RFX7: variants seen among roughly 807,000 people sequenced by gnomAD.
RFX7 encodes DNA-binding protein RFX7.
In RFX7, 26 loss-of-function variants were observed where a neutral mutation model predicts 111.8. The ratio of observed to expected loss-of-function variants is 0.23; its 90% CI spans 0.17 to 0.32. RFX7 has a LOEUF of 0.32. RFX7 is among the 10% of genes least tolerant of loss of function. The probability of loss-of-function intolerance (pLI) is 1.00; values close to 1 mark genes in which losing one functional copy is unlikely to be tolerated. For synonymous variants in RFX7, 624 were observed against 624.4 expected (o/e 1.00, Z 0.01); for missense variants, 1,573 against 1,772.9 (o/e 0.89, Z 2.02).
intron 2 of RFX7, among the ~76,000 whole-genome samples, chr15:56,191,238 A>G (rs2043098027): frequency 1.3e-5 from 2 of 152,204 alleles, no homozygotes; most frequent in African/African-American, 4.8e-5. Flanking sequence ...TTTTGAGTCA[A>G]TAAATTATAA....
At chr15:56,114,575 G>C (rs148471457) in intron 5 of RFX7, among the ~76,000 whole-genome samples, 7 of 151,972 alleles carry the variant, frequency 4.6e-5, no homozygotes, top group Non-Finnish European at 1.0e-4. Flanking sequence ...TCTTAGACTA[G>C]GATCATACTA....
intron 2 of RFX7, among the ~76,000 whole-genome samples, chr15:56,217,025 A>T (rs1274146264): frequency 1.3e-5 from 2 of 152,186 alleles, no homozygotes; most frequent in Non-Finnish European, 2.9e-5. Flanking sequence ...ATTTATTAAC[A>T]TAAAAATGGT....
Position 56,169,047 on chromosome 15 carries a change from C to G in RFX7, c.195+10223G>C, listed in dbSNP as rs150074060. Among the ~76,000 whole-genome samples the G allele has an allele frequency of 1.6e-3, 249 of 152,274 alleles. 2 individuals carry two copies. Among genetic ancestry groups the G allele is most frequent in the African/African-American group, 5.6e-3 (234 of 41,544 alleles). Reference sequence around the variant, plus strand: ...ATTTTCTATTATCTGCAGATAAATGCATAGTCCTAGTAGATAAAGATTTCC... The same window carrying G: ...ATTTTCTATTATCTGCAGATAAATGGATAGTCCTAGTAGATAAAGATTTCC... On this transcript the variant is annotated intron_variant, in intron 3 of 9. Transcript: ENST00000559447.
In RFX7 at chr15:56,096,275, T is replaced by C; in HGVS notation, c.1453A>G (p.Ser485Gly). The C allele has an allele frequency of 6.2e-7, 1 of 1,613,978 alleles. No individual in the cohort carries two copies. The highest frequency in any genetic ancestry group is 8.5e-7 in the Non-Finnish European group (1 of 1,179,874). Residue 485 changes from serine to glycine, a missense_variant, in exon 10 of 10, where the codon AGT (serine) becomes GGT (glycine). This residue lies in a region of RFX7 where 625 missense variants were observed against 632.2 expected (regional missense o/e 0.99). Coordinates refer to ENST00000559447, the MANE Select transcript of RFX7 (RefSeq NM_022841.7). ...MTTISLTPSN[S>G]NTPLKHSASV... ...GCAGAATGTTTAAGAGGGGTGTTACTGTTGCTGGGTGTGAGGGATATTGTT... is the reference window on the plus strand; with the variant it reads ...GCAGAATGTTTAAGAGGGGTGTTACCGTTGCTGGGTGTGAGGGATATTGTT...
chr15:56,216,125 G>A (rs538359643), intron 2 of RFX7, among the ~76,000 whole-genome samples: 1 of 152,262 alleles, frequency 6.6e-6, no homozygotes, highest in African/African-American at 2.4e-5. Context: ...TCAAGGCAAG[G>A]GGAACAGGGC....
At chr15:56,217,265 A>G (rs2043372108) in intron 2 of RFX7, among the ~76,000 whole-genome samples, 1 of 152,222 alleles carries the variant, frequency 6.6e-6, no homozygotes, top group South Asian at 2.1e-4. Flanking sequence ...TAACAATTTC[A>G]TTATGCCATC....
chr15:56,192,332 CAGAGAAGCTGAGCA>C, intron 2 of RFX7: 1 of 220,990 alleles, frequency 4.5e-6, no homozygotes, highest in Non-Finnish European at 9.8e-6. Context: ...TTCTCAGTGC[CAGAGAAGCTGAGCA>C]TCACATGTAT....
chr15:56,142,683 T>C (rs1312804487), intron 5 of RFX7, 95 bp downstream of exon 5: 2 of 1,113,670 alleles, frequency 1.8e-6, no homozygotes, highest in East Asian at 2.6e-5. Flanking sequence ...ATATACCAGC[T>C]TGATATTCAC....
intron 3 of RFX7, among the ~76,000 whole-genome samples, chr15:56,162,334 T>C (rs1389521513): frequency 2.0e-5 from 3 of 152,102 alleles, no homozygotes; most frequent in Admixed American, 1.3e-4. Context: ...TTTACTTTTC[T>C]GCAAGTTTGA....
chr15:56,196,891 G>T (rs2043150753), intron 2 of RFX7, among the ~76,000 whole-genome samples: 1 of 152,000 alleles, frequency 6.6e-6, no homozygotes, highest in Non-Finnish European at 1.5e-5. Flanking sequence ...TATTCATATT[G>T]CAGGACTTTT....
intron 4 of RFX7, 72 bp from the exon 5 acceptor site, chr15:56,142,972 G>A (rs925110771): frequency 3.4e-5 from 52 of 1,534,350 alleles, no homozygotes; most frequent in South Asian, 2.5e-4. Context: ...AGGCCTAAAT[G>A]TTCCACTAAA....
intron 5 of RFX7, among the ~76,000 whole-genome samples, chr15:56,130,945 G>T (rs1164709052): frequency 1.3e-5 from 2 of 151,926 alleles, no homozygotes; most frequent in Non-Finnish European, 2.9e-5. Context: ...TCCAACAAAG[G>T]CTCCAGGCCT....
Position 56,087,396 on chromosome 15 carries a change from A to G in RFX7, c.*5949T>C, listed in dbSNP as rs2041540399. ...AGTCATCATGCCCTGGGCTCCTTGTATCTTGTTGCTCAATCATCCTCAGCA... is the reference window on the plus strand; with the variant it reads ...AGTCATCATGCCCTGGGCTCCTTGTGTCTTGTTGCTCAATCATCCTCAGCA... On this transcript the variant is annotated 3_prime_UTR_variant, in exon 10 of 10. Transcript: ENST00000559447. 2.2e-6 allele frequency: 1 copy of G among 456,594 alleles called. No homozygotes were observed. The allele number at this position is 456,594 out of a possible 1,614,324, so 28.3% of individuals were successfully genotyped here.
At chr15:56,189,223 C>A (rs1308096281) in intron 2 of RFX7, among the ~76,000 whole-genome samples, 1 of 152,108 alleles carries the variant, frequency 6.6e-6, no homozygotes, top group Non-Finnish European at 1.5e-5. Flanking sequence ...TCTATTTCTA[C>A]AAATTTTTTT....
At chr15:56,188,695 A>T (rs2043067289) in intron 2 of RFX7, among the ~76,000 whole-genome samples, 1 of 152,232 alleles carries the variant, frequency 6.6e-6, no homozygotes, top group Admixed American at 6.5e-5. Context: ...GTAACTAGAC[A>T]CATCTGTAAA....
chr15:56,200,620 A>G (rs1175169841), intron 2 of RFX7, among the ~76,000 whole-genome samples: 1 of 152,066 alleles, frequency 6.6e-6, no homozygotes, highest in Non-Finnish European at 1.5e-5. Flanking sequence ...CCAACATGGT[A>G]AAACCCTGTC....
intron 9 of RFX7, among the ~76,000 whole-genome samples, chr15:56,097,076 T>G (rs1191640942): frequency 6.6e-6 from 1 of 152,228 alleles, no homozygotes; most frequent in Admixed American, 6.5e-5. Context: ...ATACAACTAC[T>G]GTCTACTCCA....
Position 56,103,710 on chromosome 15 carries a change from C to G in RFX7, c.402-40G>C, listed in dbSNP as rs778673918. The G allele has an allele frequency of 2.4e-6, 3 of 1,230,842 alleles. No individual in the cohort carries two copies. In the South Asian group the frequency reaches 4.0e-5, roughly 17 times the overall value. 76.2% of individuals were successfully genotyped at this position (1,230,842 alleles called of 1,614,324 possible). A position where few individuals can be genotyped will look rare whatever the true frequency, so the allele number is the denominator to read the frequency against. On this transcript the variant is annotated intron_variant, in intron 5 of 9. Coordinates refer to ENST00000559447, the MANE Select transcript of RFX7 (RefSeq NM_022841.7). ...AGGACCAATTTAGAGTGACAGAATT[C>G]AGAATTATATCGCAGGGTGCTATTT... is the stretch of plus-strand genomic sequence containing the variant.
At chr15:56,160,304 A>G (rs1292516306) in intron 3 of RFX7, among the ~76,000 whole-genome samples, 3 of 152,052 alleles carry the variant, frequency 2.0e-5, no homozygotes, top group African/African-American at 7.2e-5. Context: ...TATCATGTCC[A>G]TAATTAGTCC....
Sources: allele counts gnomAD v4.1 joint callset (sites outside exome capture counted in the v4.1 genomes callset), GRCh38; gene constraint gnomAD v4.1.1; regional missense constraint gnomAD v4.1.1; transcripts MANE v1.5; gene names NCBI Gene and HGNC (gene_info 2026-07-23, HGNC 2026-07-21).